TCF4: variants seen among roughly 807,000 people sequenced by gnomAD.
The protein encoded by TCF4 is SL3-3 enhancer factor 2.
Under a neutral mutation model 82.1 loss-of-function variants are expected in TCF4, and 3 were observed. That is an observed-to-expected ratio of 0.04 (90% CI 0.02 to 0.09). The LOEUF (loss-of-function observed/expected upper bound fraction) is 0.09, where lower values mean the gene tolerates loss of function less well. Ranked by LOEUF, TCF4 falls within the 10% of genes least tolerant of loss-of-function variation. TCF4 has a pLI of 1.00. For missense variants in TCF4, 518 were observed against 852.7 expected (o/e 0.61, Z 4.89); for synonymous variants, 276 against 309.6 (o/e 0.89, Z 1.14).
At chr18:55,384,679 T>C (rs1226357210) in intron 6 of TCF4, among the ~76,000 whole-genome samples, 1 of 152,152 alleles carries the variant, frequency 6.6e-6, no homozygotes, top group Non-Finnish European at 1.5e-5. Context: ...GAGCCAAAGT[T>C]ATCCATCCAC....
intron 5 of TCF4, among the ~76,000 whole-genome samples, chr18:55,442,329 G>A (rs1231364826): frequency 1.3e-5 from 2 of 152,140 alleles, no homozygotes; most frequent in African/African-American, 4.8e-5. Flanking sequence ...TCTTCAATTT[G>A]ATTTTTAAAA....
intron 3 of TCF4, among the ~76,000 whole-genome samples, chr18:55,508,870 A>C (rs1422153251): frequency 6.6e-6 from 1 of 152,206 alleles, no homozygotes; most frequent in Admixed American, 6.5e-5. Context: ...AAATTTGCTT[A>C]CTTTTAGAAA....
intron 5 of TCF4, among the ~76,000 whole-genome samples, chr18:55,429,265 A>T (rs1156636174): frequency 2.6e-5 from 4 of 152,164 alleles, no homozygotes; most frequent in African/African-American, 9.6e-5. Flanking sequence ...CAGAAATTTC[A>T]TGGAGTCTTC....
intron 2 of TCF4, 70 bp downstream of exon 2, chr18:55,586,975 T>C (rs1021108595): frequency 3.7e-6 from 5 of 1,356,176 alleles, no homozygotes; most frequent in Non-Finnish European, 4.2e-6. Flanking sequence ...TACTGGTTTC[T>C]AGCTGAAGTG....
At chr18:55,565,534 C>A (rs1161886455) in intron 3 of TCF4, among the ~76,000 whole-genome samples, 11 of 152,094 alleles carry the variant, frequency 7.2e-5, no homozygotes. Flanking sequence ...AAAGTATTCT[C>A]ACTTTAGACT....
intron 2 of TCF4, among the ~76,000 whole-genome samples, chr18:55,612,554 A>C (rs1329797713): frequency 6.6e-6 from 1 of 152,190 alleles, no homozygotes; most frequent in African/African-American, 2.4e-5. Context: ...TGAAAAAAAA[A>C]CATGGGAAAG....
intron 6 of TCF4, among the ~76,000 whole-genome samples, chr18:55,365,249 GTATA>G (rs375008306): frequency 3.1e-5 from 4 of 127,388 alleles, no homozygotes; most frequent in African/African-American, 6.3e-5. Context: ...ATATGTGTGT[GTATA>G]TATATATATA....
chr18:55,388,263 A>C (rs1265980917), intron 6 of TCF4, among the ~76,000 whole-genome samples: 1 of 152,154 alleles, frequency 6.6e-6, no homozygotes, highest in East Asian at 1.9e-4. Flanking sequence ...AGAGTGAAGG[A>C]GAATGAAACT....
intron 3 of TCF4, 39 bp from the exon 4 acceptor site, chr18:55,464,176 T>C (rs775364527): frequency 6.3e-7 from 1 of 1,590,966 alleles, no homozygotes; most frequent in Admixed American, 1.7e-5. Flanking sequence ...TTTCTTGCAG[T>C]AATTTTTTCT....
intron 3 of TCF4, among the ~76,000 whole-genome samples, chr18:55,574,583 C>T (rs1474017201): frequency 6.6e-6 from 1 of 152,194 alleles, no homozygotes; most frequent in East Asian, 1.9e-4. Flanking sequence ...AAATGATCCG[C>T]CTGCCTTGGC....
intron 15 of TCF4, among the ~76,000 whole-genome samples, chr18:55,241,235 T>C (rs886893647): frequency 1.3e-5 from 2 of 152,222 alleles, no homozygotes; most frequent in African/African-American, 4.8e-5. Context: ...GTTCCATCTA[T>C]TAAAACTGTT....
intron 8 of TCF4, among the ~76,000 whole-genome samples, chr18:55,338,646 G>A (rs778848709): frequency 9.2e-5 from 14 of 152,204 alleles, no homozygotes; most frequent in East Asian, 1.9e-4. Flanking sequence ...TGGGGTTCCC[G>A]AAAATTGATT....
chr18:55,264,012 T>C (rs2058589067), intron 11 of TCF4, among the ~76,000 whole-genome samples: 1 of 152,076 alleles, frequency 6.6e-6, no homozygotes, highest in African/African-American at 2.4e-5. Flanking sequence ...AATATATATA[T>C]TTTTATGAAA....
chr18:55,577,086 A>G (rs1242786860), intron 3 of TCF4, among the ~76,000 whole-genome samples: 2 of 146,496 alleles, frequency 1.4e-5, no homozygotes, highest in Non-Finnish European at 3.0e-5. Flanking sequence ...TATATATTAT[A>G]TATACATTTA....
intron 3 of TCF4, among the ~76,000 whole-genome samples, chr18:55,499,245 G>A (rs562634849): frequency 2.6e-5 from 4 of 152,284 alleles, no homozygotes; most frequent in African/African-American, 9.6e-5. Context: ...CTTAGCCTTT[G>A]TGGGGTGCTC....
At chr18:55,291,061 T>C (rs750389639) in intron 8 of TCF4, among the ~76,000 whole-genome samples, 7 of 152,190 alleles carry the variant, frequency 4.6e-5, no homozygotes. Flanking sequence ...AGATGGATTA[T>C]CTGTCTAAGT....
intron 16 of TCF4, among the ~76,000 whole-genome samples, chr18:55,233,678 T>C (rs1419183651): frequency 1.3e-5 from 2 of 151,900 alleles, no homozygotes; most frequent in African/African-American, 2.4e-5. Context: ...TAGCCAGGCA[T>C]GGTGATGCAT....
chr18:55,563,449 T>C (rs1479474434), intron 3 of TCF4, among the ~76,000 whole-genome samples: 1 of 152,132 alleles, frequency 6.6e-6, no homozygotes, highest in Non-Finnish European at 1.5e-5. Flanking sequence ...CAAAATAAAA[T>C]GTCAAAAATG....
intron 8 of TCF4, among the ~76,000 whole-genome samples, chr18:55,317,152 T>A (rs938147636): frequency 2.0e-5 from 3 of 151,990 alleles, no homozygotes; most frequent in South Asian, 2.1e-4. Context: ...TAAAAAAAAA[T>A]TTCATTGTTA....
Sources: allele counts gnomAD v4.1 joint callset (sites outside exome capture counted in the v4.1 genomes callset), GRCh38; gene constraint gnomAD v4.1.1; transcripts MANE v1.5; gene names NCBI Gene and HGNC (gene_info 2026-07-23, HGNC 2026-07-21).